The following PDE8B variants were observed in gnomAD, a reference collection of about 807,000 sequenced individuals.
PDE8B encodes the protein high affinity cAMP-specific and IBMX-insensitive 3',5'-cyclic phosphodiesterase 8B.
Under a neutral mutation model 101.3 loss-of-function variants are expected in PDE8B, and 26 were observed. The ratio of observed to expected loss-of-function variants is 0.26; its 90% CI spans 0.19 to 0.36. The LOEUF (loss-of-function observed/expected upper bound fraction) is 0.36, where lower values mean the gene tolerates loss of function less well. PDE8B is among the 10% of genes least tolerant of loss of function. The pLI is 1.00. For synonymous variants in PDE8B, 424 were observed against 429.3 expected (o/e 0.99, Z 0.15); for missense variants, 810 against 1,163.1 (o/e 0.70, Z 4.42).
intron 10 of PDE8B, among the ~76,000 whole-genome samples, chr5:77,378,215 C>T (rs912918554): frequency 3.3e-5 from 5 of 152,052 alleles, no homozygotes; most frequent in African/African-American, 1.2e-4. Context: ...AATCCCAGTA[C>T]TTTGGGAGGC....
intron 5 of PDE8B, among the ~76,000 whole-genome samples, chr5:77,335,025 C>G (rs960488251): frequency 6.6e-6 from 1 of 152,134 alleles, no homozygotes; most frequent in African/African-American, 2.4e-5. Flanking sequence ...CTTTGTTTAT[C>G]CCAACATTTT....
the PDE8B span, among the ~76,000 whole-genome samples, chr5:77,153,454 A>G: frequency 6.6e-6 from 1 of 152,230 alleles, no homozygotes; most frequent in South Asian, 2.1e-4. Context: ...TCCTTCATTG[A>G]AGCAGTACAC....
chr5:77,404,889 A>C, intron 12 of PDE8B, 92 bp downstream of exon 12: 1 of 786,966 alleles, frequency 1.3e-6, no homozygotes, highest in Non-Finnish European at 2.2e-6. Flanking sequence ...TAAACTCCAA[A>C]GAGTAAGAGT....
intron 10 of PDE8B, among the ~76,000 whole-genome samples, chr5:77,359,292 T>G (rs1250098899): frequency 6.6e-6 from 1 of 152,206 alleles, no homozygotes; most frequent in Non-Finnish European, 1.5e-5. Context: ...CCAGAGCATC[T>G]GAAGCTGAGA....
At chr5:77,260,585 T>A (rs1760349352) in intron 1 of PDE8B, among the ~76,000 whole-genome samples, 1 of 141,806 alleles carries the variant, frequency 7.1e-6, no homozygotes, top group African/African-American at 2.8e-5. Context: ...GTGGCTCATT[T>A]TTTTTTTTTT....
At chr5:77,187,753 A>G in the PDE8B span, among the ~76,000 whole-genome samples, 1 of 152,194 alleles carries the variant, frequency 6.6e-6, no homozygotes, top group East Asian at 1.9e-4. Flanking sequence ...CTTGGTTTTC[A>G]TCTTCGAAAG....
chr5:77,423,678 T>G (rs1464855043), intron 20 of PDE8B, among the ~76,000 whole-genome samples: 1 of 135,834 alleles, frequency 7.4e-6, no homozygotes, highest in East Asian at 2.3e-4. Context: ...CTTGCTCTGT[T>G]GCCCAGGCTG....
chr5:77,328,889 T>C (rs1017488959), intron 3 of PDE8B, 109 bp from the exon 4 acceptor site: 16 of 846,196 alleles, frequency 1.9e-5, no homozygotes, highest in African/African-American at 3.3e-5. Flanking sequence ...GACGTTTTCT[T>C]TAGAGAAAGA....
chr5:77,344,793 AC>A, intron 6 of PDE8B, 59 bp from the exon 7 acceptor site: 1 of 1,071,176 alleles, frequency 9.3e-7, no homozygotes, highest in Non-Finnish European at 1.5e-6. Flanking sequence ...TGTTAAATTA[AC>A]AGATGAAATG....
Position 77,426,596 on chromosome 5 carries a change from T to G in PDE8B, c.*42T>G, listed in dbSNP as rs772441817. The stretch of plus-strand genomic sequence containing the variant: ...GGGCCTCTTGACCGACAAAGGACAC[T>G]GTGAATCACAGTAGCGTAAACGAGA... On this transcript the variant is annotated 3_prime_UTR_variant, in exon 22 of 22. Transcript: ENST00000264917. The G allele has an allele frequency of 9.8e-7, 1 of 1,020,408 alleles. No homozygotes were observed. Among genetic ancestry groups the G allele is most frequent in the Non-Finnish European group, 1.6e-6 (1 of 640,580 alleles). The allele number at this position is 1,020,408 out of a possible 1,614,324, so 63.2% of individuals were successfully genotyped here. A position where few individuals can be genotyped will look rare whatever the true frequency, so the allele number is the denominator to read the frequency against.
the PDE8B span, among the ~76,000 whole-genome samples, chr5:77,155,908 A>G: frequency 2.8e-4 from 43 of 152,248 alleles, no homozygotes; most frequent in Non-Finnish European, 8.8e-5. Context: ...TAGATATATT[A>G]TCAAGGCCAG....
intron 1 of PDE8B, among the ~76,000 whole-genome samples, chr5:77,263,225 A>G (rs1760995369): frequency 6.6e-6 from 1 of 152,244 alleles, no homozygotes; most frequent in Non-Finnish European, 1.5e-5. Context: ...GGCAGAATAC[A>G]TTTTTGTAAG....
the PDE8B span, among the ~76,000 whole-genome samples, chr5:77,204,410 C>CAAAAAAAA: frequency 3.6e-4 from 38 of 106,138 alleles, no homozygotes; most frequent in Admixed American, 9.9e-4. Flanking sequence ...GACTCTGTCT[C>CAAAAAAAA]AAAAAAAAAA....
At chr5:77,326,400 A>G (rs959844348) in intron 3 of PDE8B, among the ~76,000 whole-genome samples, 6 of 152,216 alleles carry the variant, frequency 3.9e-5, no homozygotes, top group Admixed American at 1.3e-4. Context: ...CTAGACCAAG[A>G]CAGAGTCCAG....
chr5:77,370,403 G>A (rs1205767504), intron 10 of PDE8B, among the ~76,000 whole-genome samples: 1 of 152,184 alleles, frequency 6.6e-6, no homozygotes, highest in Non-Finnish European at 1.5e-5. Context: ...CATCTAAATG[G>A]AGTCACAGTA....
chr5:77,222,463 A>T (rs1751342326), intron 1 of PDE8B, among the ~76,000 whole-genome samples: 1 of 152,166 alleles, frequency 6.6e-6, no homozygotes, highest in African/African-American at 2.4e-5. Context: ...CTCTCCTAAA[A>T]ATACAAAAAT....
At chr5:77,393,393 CAA>C (rs55783030) in intron 10 of PDE8B, among the ~76,000 whole-genome samples, 185 of 138,724 alleles carry the variant, frequency 1.3e-3, no homozygotes, top group Admixed American at 1.1e-3. Flanking sequence ...AGACTGTCTC[CAA>C]AAAAAAAAAA....
the PDE8B span, chr5:77,113,608 G>T: frequency 6.6e-6 from 1 of 152,222 alleles, no homozygotes; most frequent in Non-Finnish European, 1.5e-5. Flanking sequence ...CATGGGCAAA[G>T]ACTTCATGAC....
the PDE8B span, among the ~76,000 whole-genome samples, chr5:77,090,522 C>T: frequency 6.6e-6 from 1 of 152,220 alleles, no homozygotes; most frequent in Non-Finnish European, 1.5e-5. Context: ...ATACACCCGC[C>T]TCAACCTCCC....
Sources: gnomAD v4.1 joint callset for allele counts (sites outside exome capture counted in the v4.1 genomes callset) on GRCh38, gnomAD v4.1.1 for gene constraint, MANE v1.5 for transcripts, NCBI Gene and HGNC (gene_info 2026-07-23, HGNC 2026-07-21) for gene names.